SKAP1: variants seen among roughly 807,000 people sequenced by gnomAD.
SKAP1 encodes src kinase-associated phosphoprotein 1.
SKAP1 carries 44 observed loss-of-function variants against 58.5 expected under a neutral mutation model. The observed-to-expected ratio is 0.75, with a 90% confidence interval of 0.59 to 0.97. The LOEUF (loss-of-function observed/expected upper bound fraction) is 0.97. Ranked by LOEUF, SKAP1 falls within the 50% of genes least tolerant of loss-of-function variation. The pLI is 0.00. For synonymous variants in SKAP1, 127 were observed against 149.7 expected (o/e 0.85, Z 1.11); for missense variants, 390 against 435.2 (o/e 0.90, Z 0.92).
At chr17:48,216,783 C>A (rs1263957499) in intron 4 of SKAP1, among the ~76,000 whole-genome samples, 1 of 152,140 alleles carries the variant, frequency 6.6e-6, no homozygotes, top group African/African-American at 2.4e-5. Flanking sequence ...TGAGCCACTG[C>A]ACCTGGCCTG....
chr17:48,165,234 G>A (rs1414945505), intron 10 of SKAP1, among the ~76,000 whole-genome samples: 2 of 152,172 alleles, frequency 1.3e-5, no homozygotes, highest in African/African-American at 4.8e-5. Context: ...GAAGAGATAA[G>A]TTGGAGGAGG....
At chr17:48,193,234 G>C (rs2064573766) in intron 4 of SKAP1, among the ~76,000 whole-genome samples, 1 of 151,996 alleles carries the variant, frequency 6.6e-6, no homozygotes, top group Non-Finnish European at 1.5e-5. Context: ...GTAGAGACGG[G>C]GTTTCTCCAT....
intron 4 of SKAP1, among the ~76,000 whole-genome samples, chr17:48,245,782 C>A (rs1368504791): frequency 1.3e-5 from 2 of 152,138 alleles, no homozygotes; most frequent in African/African-American, 2.4e-5. Flanking sequence ...TCGAGACCAG[C>A]CTGGCCAACA....
chr17:48,266,597 G>A lies in SKAP1; in HGVS notation c.281-77097C>T, dbSNP rs546793536. 7.7e-4 allele frequency among the ~76,000 whole-genome samples: 113 copies of A among 147,444 alleles called. 1 individual carries two copies. Among genetic ancestry groups the A allele is most frequent in the Non-Finnish European group, 8.9e-5 (6 of 67,380 alleles). On this transcript the variant is annotated intron_variant, in intron 4 of 12. Coordinates refer to ENST00000336915, the MANE Select transcript of SKAP1 (RefSeq NM_003726.4). Reference sequence around the variant, plus strand: ...GCAATCTTGACTCACTGTAAGCTCCGCCTCCCAGGTTCACGCCATTCTCCT... The same window carrying A: ...GCAATCTTGACTCACTGTAAGCTCCACCTCCCAGGTTCACGCCATTCTCCT...
Position 48,137,209 on chromosome 17 carries a change from A to G in SKAP1, c.*7+20T>C. ...GTTCCACTCAACTATTAGGCAGTTC[A>G]TTGGCCATGGTTCTGATACCTGGGT... is the stretch of plus-strand genomic sequence containing the variant. On this transcript the variant is annotated intron_variant, in intron 12 of 12. Coordinates refer to ENST00000336915, the MANE Select transcript of SKAP1 (RefSeq NM_003726.4). 1 of 1,509,216 alleles carries G rather than the reference A, an allele frequency of 6.6e-7. No homozygotes were observed. The allele number at this position is 1,509,216 out of a possible 1,614,324, so 93.5% of individuals were successfully genotyped here.
chr17:48,316,823 GCTCT>G (rs917241966), intron 4 of SKAP1, among the ~76,000 whole-genome samples: 9 of 149,922 alleles, frequency 6.0e-5, no homozygotes, highest in Admixed American at 5.3e-4. Context: ...CTAAAAATCA[GCTCT>G]CTCTTTCCCC....
chr17:48,327,079 C>A (rs1372739772), intron 4 of SKAP1, among the ~76,000 whole-genome samples: 1 of 151,822 alleles, frequency 6.6e-6, no homozygotes, highest in South Asian at 2.1e-4. Flanking sequence ...TTAGTAGAGA[C>A]GGGGTTTTGC....
At position 48,158,776 on chromosome 17, in the gene SKAP1, C is replaced by A. The variant is rs567248338; in HGVS notation, c.978+3693G>T. 2.8e-3 allele frequency among the ~76,000 whole-genome samples: 423 copies of A among 151,130 alleles called. 1 individual carries two copies. Among genetic ancestry groups the A allele is most frequent in the Non-Finnish European group, 4.8e-3 (326 of 67,758 alleles). On this transcript the variant is annotated intron_variant, in intron 11 of 12. Transcript: ENST00000336915. Reference sequence around the variant, plus strand: ...GAGATTGAGACCATCCTGGCTAACACGGTGAAACCGCGTCTCTACTAAAAA... The same window carrying A: ...GAGATTGAGACCATCCTGGCTAACAAGGTGAAACCGCGTCTCTACTAAAAA...
chr17:48,194,520 T>C (rs1321796256), intron 4 of SKAP1, among the ~76,000 whole-genome samples: 1 of 151,580 alleles, frequency 6.6e-6, no homozygotes, highest in Non-Finnish European at 1.5e-5. Context: ...GAAAAGAGAA[T>C]TGGAGAAATC....
intron 1 of SKAP1, among the ~76,000 whole-genome samples, chr17:48,409,393 G>A (rs926161667): frequency 3.3e-5 from 5 of 152,176 alleles, no homozygotes; most frequent in African/African-American, 1.2e-4. Context: ...AGCTGGGTAT[G>A]GTGGCTCACG....
intron 4 of SKAP1, among the ~76,000 whole-genome samples, chr17:48,240,117 C>G (rs1026115681): frequency 1.3e-5 from 2 of 151,128 alleles, no homozygotes; most frequent in African/African-American, 4.9e-5. Context: ...GACTTCTTGT[C>G]TAATTAGTGG....
At chr17:48,392,866 T>C (rs574438211) in intron 2 of SKAP1, among the ~76,000 whole-genome samples, 49 of 145,830 alleles carry the variant, frequency 3.4e-4, no homozygotes, top group Middle Eastern at 6.8e-3. Flanking sequence ...AAAAAAAATA[T>C]ATATATATAT....
At chr17:48,134,061 T>G (rs1047450876) in intron 12 of SKAP1, among the ~76,000 whole-genome samples, 12 of 145,752 alleles carry the variant, frequency 8.2e-5, no homozygotes, top group Non-Finnish European at 1.8e-4. Flanking sequence ...CTTTGCTGTT[T>G]TATTTTTTTT....
chr17:48,162,542 A>G lies in SKAP1; in HGVS notation c.905T>C (p.Leu302Pro), dbSNP rs962128143. The change falls in exon 11 of 13, where the codon CTA (leucine) becomes CCA (proline). Residue 302 changes from leucine to proline, a missense_variant. Leu to Pro is a moderately conservative substitution (Grantham distance 98). Coordinates refer to ENST00000336915, the MANE Select transcript of SKAP1 (RefSeq NM_003726.4). Reference sequence around the variant, plus strand: ...TGGCTGGTCACCATGGCAATCCCATAGGCCCTGGTAGTAACTGGCATAGTC... The same window carrying G: ...TGGCTGGTCACCATGGCAATCCCATGGGCCCTGGTAGTAACTGGCATAGTC... ...GVDYASYYQGLWDCHGDQPDE... is the reference protein window; with the variant it reads ...GVDYASYYQGPWDCHGDQPDE... 6.2e-7 allele frequency: 1 copy of G among 1,613,388 alleles called. No individual in the cohort carries two copies. Among genetic ancestry groups the G allele is most frequent in the African/African-American group, 1.3e-5 (1 of 74,920 alleles).
intron 4 of SKAP1, among the ~76,000 whole-genome samples, chr17:48,248,527 G>A (rs1019351496): frequency 6.6e-6 from 1 of 152,180 alleles, no homozygotes; most frequent in Non-Finnish European, 1.5e-5. Context: ...AGATTGCGCC[G>A]CTGCACTCCA....
At chr17:48,189,598 A>T (rs2064509390) in intron 4 of SKAP1, 98 bp from the exon 5 acceptor site, 1 of 761,500 alleles carries the variant, frequency 1.3e-6, no homozygotes. Context: ...AGAGTACAAA[A>T]AGGGCAATTG....
At position 48,184,822 on chromosome 17, in the gene SKAP1, G is replaced by A. The variant is rs2064424070; in HGVS notation, c.468C>T (p.Leu156=). The part of the protein sequence containing the change: ...EKSKQPKGTF[L]IKGYGVRMAP... ...CCATCCGTACACCGTAGCCCTTAAT[G>A]AGGAAGGTCCCTTTGGGCTGCTTGC... The change falls in exon 7 of 13, where the codon CTC becomes CTT. Residue 156 remains leucine, a synonymous_variant. Coordinates refer to ENST00000336915, the MANE Select transcript of SKAP1 (RefSeq NM_003726.4). 1 of 1,613,714 alleles carries A rather than the reference G, an allele frequency of 6.2e-7. No individual in the cohort carries two copies. The highest frequency in any genetic ancestry group is 8.5e-7 in the Non-Finnish European group (1 of 1,179,824).
intron 4 of SKAP1, chr17:48,204,105 CAG>C (rs1483493573): frequency 6.9e-6 from 1 of 145,702 alleles, no homozygotes. Flanking sequence ...TTTTTTGAGA[CAG>C]AGTTTCACTC....
intron 9 of SKAP1, among the ~76,000 whole-genome samples, chr17:48,173,954 A>G (rs1040997994): frequency 1.3e-5 from 2 of 152,238 alleles, no homozygotes; most frequent in African/African-American, 4.8e-5. Flanking sequence ...TGCTCTTTGC[A>G]TTTGTAAAAT....
Sources: gnomAD v4.1 joint callset for allele counts (sites outside exome capture counted in the v4.1 genomes callset) on GRCh38, gnomAD v4.1.1 for gene constraint, MANE v1.5 for transcripts, NCBI Gene and HGNC (gene_info 2026-07-23, HGNC 2026-07-21) for gene names.